DAPK1: variants seen among roughly 807,000 people sequenced by gnomAD.
DAPK1 encodes the protein death associated protein kinase 1.
A neutral mutation model predicts 144.9 loss-of-function variants in DAPK1; 56 were observed. The observed-to-expected ratio is 0.39, with a 90% CI of 0.31 to 0.48. The LOEUF (loss-of-function observed/expected upper bound fraction) is 0.48. Among genes scored for constraint, DAPK1 ranks in the 20% least tolerant of loss-of-function variants. The probability of loss-of-function intolerance (pLI) is 0.95; values close to 1 mark genes in which losing one functional copy is unlikely to be tolerated. For synonymous variants in DAPK1, 690 were observed against 749.0 expected (o/e 0.92, Z 1.29); for missense variants, 1,454 against 1,875.4 (o/e 0.78, Z 4.15).
intron 2 of DAPK1, among the ~76,000 whole-genome samples, chr9:87,561,720 C>A (rs1826933201): frequency 6.6e-6 from 1 of 152,096 alleles, no homozygotes; most frequent in Admixed American, 6.5e-5. Flanking sequence ...AAATGGAAGC[C>A]CCTTAGACAG....
intron 2 of DAPK1, among the ~76,000 whole-genome samples, chr9:87,602,848 G>T (rs1221755301): frequency 6.6e-6 from 1 of 151,920 alleles, no homozygotes; most frequent in East Asian, 1.9e-4. Context: ...TGGCCAGGCT[G>T]GTCTCGAACT....
chr9:87,642,541 A>T (rs1476260912), intron 10 of DAPK1, among the ~76,000 whole-genome samples: 1 of 152,098 alleles, frequency 6.6e-6, no homozygotes, highest in Non-Finnish European at 1.5e-5. Context: ...GATGGCCTCC[A>T]CAGGGGCTGG....
At chr9:87,594,867 G>C (rs1249706383) in intron 2 of DAPK1, among the ~76,000 whole-genome samples, 5 of 152,136 alleles carry the variant, frequency 3.3e-5, no homozygotes, top group South Asian at 2.1e-4. Flanking sequence ...TGAGGAGGTG[G>C]GTGGCCTCCT....
intron 2 of DAPK1, among the ~76,000 whole-genome samples, chr9:87,513,179 G>A (rs1319478736): frequency 6.6e-6 from 1 of 152,198 alleles, no homozygotes; most frequent in Non-Finnish European, 1.5e-5. Context: ...CATTTGAACC[G>A]TAATATTTGC....
At chr9:87,666,084 A>G (rs923749520) in intron 18 of DAPK1, among the ~76,000 whole-genome samples, 1 of 152,216 alleles carries the variant, frequency 6.6e-6, no homozygotes, top group African/African-American at 2.4e-5. Flanking sequence ...CCTCTCAGAC[A>G]GAAGGCCAGG....
At chr9:87,566,645 C>T (rs1474052485) in intron 2 of DAPK1, among the ~76,000 whole-genome samples, 1 of 152,102 alleles carries the variant, frequency 6.6e-6, no homozygotes, top group African/African-American at 2.4e-5. Flanking sequence ...ACAGAACTAG[C>T]CTAGACCAAA....
intron 2 of DAPK1, among the ~76,000 whole-genome samples, chr9:87,585,935 A>G (rs557933691): frequency 6.6e-6 from 1 of 152,314 alleles, no homozygotes; most frequent in African/African-American, 2.4e-5. Flanking sequence ...GGGATAAACA[A>G]AATATTAGAG....
chr9:87,693,696 C>A (rs1825156892), intron 21 of DAPK1, among the ~76,000 whole-genome samples: 1 of 152,146 alleles, frequency 6.6e-6, no homozygotes, highest in South Asian at 2.1e-4. Context: ...CTTCTTTGAA[C>A]TTTTTGAACT....
intron 3 of DAPK1, among the ~76,000 whole-genome samples, chr9:87,629,276 G>A (rs1208372236): frequency 6.6e-6 from 1 of 152,186 alleles, no homozygotes; most frequent in Non-Finnish European, 1.5e-5. Context: ...CCAGTTGCAG[G>A]CGGGGATGGG....
chr9:87,603,637 A>G (rs764954840), intron 2 of DAPK1, among the ~76,000 whole-genome samples: 1 of 152,196 alleles, frequency 6.6e-6, no homozygotes, highest in Non-Finnish European at 1.5e-5. Context: ...AAAGCCAGCT[A>G]AAAATACCTG....
intron 2 of DAPK1, among the ~76,000 whole-genome samples, chr9:87,591,517 T>C (rs985658559): frequency 5.3e-5 from 8 of 152,222 alleles, no homozygotes; most frequent in African/African-American, 1.9e-4. Context: ...CATGTATTAA[T>C]ACTAAAAATT....
chr9:87,605,641 A>G (rs1210412148), intron 3 of DAPK1, among the ~76,000 whole-genome samples: 1 of 151,158 alleles, frequency 6.6e-6, no homozygotes, highest in South Asian at 2.1e-4. Context: ...TGTTAATTCC[A>G]TCAACACTAA....
At position 87,703,655 on chromosome 9, in the gene DAPK1, G is replaced by A. The variant is rs559088106; in HGVS notation, c.3060+438G>A. ...GAAAAGGCAGTGAGGTGTCCTTGTG[G>A]AGGCAATGTCTGGAGATACAAAGAC... On this transcript the variant is annotated intron_variant, in intron 25 of 25. Transcript: ENST00000408954. Among the ~76,000 whole-genome samples the A allele has an allele frequency of 2.5e-4, 38 of 152,308 alleles. No individual in the cohort carries two copies. The South Asian group carries it at 7.5e-3, about 30-fold the overall frequency.
chr9:87,613,659 A>G (rs1207276884), intron 3 of DAPK1, among the ~76,000 whole-genome samples: 1 of 152,248 alleles, frequency 6.6e-6, no homozygotes, highest in Non-Finnish European at 1.5e-5. Flanking sequence ...TGCAGTGATT[A>G]AAGTGATAGT....
At chr9:87,650,139 C>T in intron 16 of DAPK1, 21 bp downstream of exon 16, 1 of 1,612,956 alleles carries the variant, frequency 6.2e-7, no homozygotes. Context: ...GGGGAAGACT[C>T]ATATGCACTG....
chr9:87,666,931 A>G (rs2119267191), intron 18 of DAPK1, among the ~76,000 whole-genome samples: 1 of 152,302 alleles, frequency 6.6e-6, no homozygotes, highest in African/African-American at 2.4e-5. Flanking sequence ...AGGAAACTTC[A>G]GTCAAGGCTC....
chr9:87,631,055 C>T (rs530265847), intron 3 of DAPK1, among the ~76,000 whole-genome samples: 3 of 152,292 alleles, frequency 2.0e-5, no homozygotes, highest in South Asian at 2.1e-4. Context: ...TTGGAGCTGG[C>T]GCCTCTGCCT....
At chr9:87,660,344 C>T (rs1282992213) in intron 18 of DAPK1, among the ~76,000 whole-genome samples, 4 of 152,040 alleles carry the variant, frequency 2.6e-5, no homozygotes, top group African/African-American at 7.2e-5. Context: ...CCCTCAGAAA[C>T]GTGACCACAC....
intron 2 of DAPK1, among the ~76,000 whole-genome samples, chr9:87,540,378 ATGC>A: frequency 6.6e-6 from 1 of 151,874 alleles, no homozygotes; most frequent in East Asian, 1.9e-4. Flanking sequence ...TTTAGTAGAG[ATGC>A]CGTTTTGCCA....
Sources: gnomAD v4.1 joint callset for allele counts (sites outside exome capture counted in the v4.1 genomes callset) on GRCh38, gnomAD v4.1.1 for gene constraint, MANE v1.5 for transcripts, NCBI Gene and HGNC (gene_info 2026-07-23, HGNC 2026-07-21) for gene names.